Variants in MUC17 observed in about 807,000 individuals in gnomAD.
MUC17 encodes mucin 17, cell surface associated, also known as mucin-17.
In MUC17, 190 loss-of-function variants were observed where a neutral mutation model predicts 170.3. The ratio of observed to expected loss-of-function variants is 1.12; its 90% confidence interval spans 0.99 to 1.26. The LOEUF (loss-of-function observed/expected upper bound fraction) is 1.26. Among genes scored for constraint, MUC17 ranks in the 50% most tolerant of loss-of-function variants. The pLI, the probability that MUC17 is intolerant of heterozygous loss-of-function variation, is 0.00. For synonymous variants in MUC17, 2,325 were observed against 2,002.5 expected, an observed-to-expected ratio of 1.16 and a Z score of -4.30; for missense variants, 6,415 against 5,530.0, an observed-to-expected ratio of 1.16 and a Z score of -5.08.
In MUC17 at chr7:101,032,863, G is replaced by C. The variant is rs759806324; in HGVS notation, c.1447G>C (p.Val483Leu). The C allele has an allele frequency of 2.5e-6, 4 of 1,613,562 alleles. No homozygotes were observed. The highest frequency in any genetic ancestry group is 1.7e-5 in the Admixed American group (1 of 59,944). ...STTPVDSKTQVTTSTEASSSP... is the reference protein window; with the variant it reads ...STTPVDSKTQLTTSTEASSSP... ...AACTCCTGTTGACTCCAAAACTCAGGTGACCACTTCTACTGAAGCCAGTTC... is the reference window on the plus strand; with the variant it reads ...AACTCCTGTTGACTCCAAAACTCAGCTGACCACTTCTACTGAAGCCAGTTC... The change falls in exon 3 of 13, where the codon GTG (valine) becomes CTG (leucine). Residue 483 changes from valine (V) to leucine (L), a missense_variant. Transcript: ENST00000306151.
In MUC17 at chr7:101,058,045, G is replaced by A; in HGVS notation, c.*1G>A. On this transcript the variant is annotated 3_prime_UTR_variant, in exon 13 of 13. Transcript: ENST00000306151. ...TCAGGTAATGACGACATCATTTTAA[G>A]GCATGGAGCTGAGAAGTCTGGGAGT... 7 of 1,613,860 alleles carry A rather than the reference G, an allele frequency of 4.3e-6. No homozygotes were observed. The highest frequency in any genetic ancestry group is 5.9e-6 in the Non-Finnish European group (7 of 1,179,868).
At position 101,035,724 on chromosome 7, in the gene MUC17, T is replaced by A. The variant is rs556261069; in HGVS notation, c.4308T>A (p.Ser1436=). The A allele has an allele frequency of 6.2e-7, 1 of 1,609,858 alleles. No homozygotes were observed. The highest frequency in any genetic ancestry group is 2.2e-5 in the East Asian group (1 of 44,854). The stretch of plus-strand genomic sequence containing the variant: ...CCACTTCTGCTGAAGCCACTTCATC[T>A]CCTACAACTGCTGAAGGTATCAGCA... The part of the protein sequence containing the change: ...PGTTSAEATS[S]PTTAEGISIP... The change falls in exon 3 of 13, where the codon TCT becomes TCA. Residue 1436 remains serine (S), a synonymous_variant. Transcript: ENST00000306151.
At position 101,032,218 on chromosome 7, in the gene MUC17, T is replaced by G; in HGVS notation, c.802T>G (p.Ser268Ala). Residue 268 changes from serine to alanine, a missense_variant, in exon 3 of 13, where the codon TCA becomes GCA. Coordinates refer to ENST00000306151, the MANE Select transcript of MUC17 (RefSeq NM_001040105.2). ...TTAEGPSLSN[S>A]APSGGSTPLT... ...TGCTGAAGGTCCCAGCCTGTCAAAC[T>G]CAGCTCCTAGTGGAGGAAGCACTCC... The G allele has an allele frequency of 1.2e-6, 2 of 1,614,188 alleles. No homozygotes were observed. The highest frequency in any genetic ancestry group is 1.7e-6 in the Non-Finnish European group (2 of 1,180,018).
intron 3 of MUC17, 125 bp downstream of exon 3, chr7:101,043,944 A>G: frequency 2.3e-6 from 2 of 880,860 alleles, no homozygotes; most frequent in Non-Finnish European, 3.4e-6. Flanking sequence ...GCACCCATTA[A>G]CTCATCATTT....
In MUC17 at chr7:101,036,995, C is replaced by T; in HGVS notation, c.5579C>T (p.Ser1860Leu). The T allele has an allele frequency of 1.3e-6, 2 of 1,584,172 alleles. No homozygotes were observed. The highest frequency in any genetic ancestry group is 2.5e-5 in the South Asian group (2 of 81,112). ...TPAEGTSIAT[S>L]TPSEGSTALT... Reference sequence around the variant, plus strand: ...GCTGAAGGTACCAGCATAGCAACCTCAACGCCTAGTGAAGGAAGCACTGCA... The same window carrying T: ...GCTGAAGGTACCAGCATAGCAACCTTAACGCCTAGTGAAGGAAGCACTGCA... Residue 1860 changes from serine to leucine, a missense_variant, in exon 3 of 13, where the codon TCA becomes TTA. By Grantham distance (145) the Ser-to-Leu change is moderately radical (BLOSUM62 -2). Coordinates refer to ENST00000306151, the MANE Select transcript of MUC17 (RefSeq NM_001040105.2).
chr7:101,050,604 A>G lies in MUC17; in HGVS notation c.12843A>G (p.Thr4281=). The change falls in exon 7 of 13, where the codon ACA becomes ACG. Residue 4281 remains threonine (T), a synonymous_variant. Coordinates refer to ENST00000306151, the MANE Select transcript of MUC17 (RefSeq NM_001040105.2). ...AAGAGAAAATCACAAAAGTGACCAC[A>G]CAGCAAATAATGATTAATGATATTT... ...VVKEKITKVT[T]QQIMINDICS... 2 of 1,614,154 alleles carry G rather than the reference A, an allele frequency of 1.2e-6. No individual in the cohort carries two copies. The highest frequency in any genetic ancestry group is 1.7e-6 in the Non-Finnish European group (2 of 1,180,010).
chr7:101,020,689 A>C (rs910398191), intron 1 of MUC17, among the ~76,000 whole-genome samples: 7 of 152,116 alleles, frequency 4.6e-5, no homozygotes, highest in African/African-American at 1.4e-4. Flanking sequence ...ACATAGCCAC[A>C]TGGGCACAAA....
rs750229186 is a variant in MUC17 at position 101,036,306 on chromosome 7, T to A, written c.4890T>A (p.Ser1630Arg). 1.2e-6 allele frequency: 2 copies of A among 1,607,908 alleles called. No individual in the cohort carries two copies. The highest frequency in any genetic ancestry group is 2.8e-5 in the African/African-American group (2 of 72,676). The change falls in exon 3 of 13, where the codon AGT (serine) becomes AGA (arginine). Residue 1630 changes from serine (S) to arginine (R), a missense_variant. By Grantham distance (110) the Ser-to-Arg change is moderately radical. Transcript: ENST00000306151. ...CAATCTCAACTCCTAGTGAAGGAAG[T>A]CCTCTATTAACAAGTATACCTGTCA... ...SMTISTPSEG[S>R]PLLTSIPVST...
At position 101,033,090 on chromosome 7, in the gene MUC17, C is replaced by T; in HGVS notation, c.1674C>T (p.Thr558=). 1.2e-6 allele frequency: 2 copies of T among 1,613,496 alleles called. No homozygotes were observed. The highest frequency in any genetic ancestry group is 1.7e-6 in the Non-Finnish European group (2 of 1,179,808). ...CATCTTCTACAACTCCTGAAGGTAC[C>T]AGCATACCAACCTCAACTCCTAGTG... The part of the protein sequence containing the change: ...ASSSSTTPEG[T]SIPTSTPSEG... The change falls in exon 3 of 13, where the codon ACC becomes ACT. Residue 558 remains threonine, a synonymous_variant. Coordinates refer to ENST00000306151, the MANE Select transcript of MUC17 (RefSeq NM_001040105.2).
chr7:101,033,139 A>G lies in MUC17; in HGVS notation c.1723A>G (p.Met575Val). Reference sequence around the variant, plus strand: ...TGAAGGAAGCACTCCATTAACAAACATGCCTGTCAGCACCAGGCTGGTGGT... The same window carrying G: ...TGAAGGAAGCACTCCATTAACAAACGTGCCTGTCAGCACCAGGCTGGTGGT... Reference protein sequence around the residue: ...PSEGSTPLTNMPVSTRLVVSS... With the variant: ...PSEGSTPLTNVPVSTRLVVSS... Residue 575 changes from methionine to valine, a missense_variant, in exon 3 of 13, where the codon ATG becomes GTG. Physicochemically the swap from Met to Val is conservative, Grantham distance 21 (BLOSUM62 1). Coordinates refer to ENST00000306151, the MANE Select transcript of MUC17 (RefSeq NM_001040105.2). 1 of 1,612,034 alleles carries G rather than the reference A, an allele frequency of 6.2e-7. No homozygotes were observed. The highest frequency in any genetic ancestry group is 8.5e-7 in the Non-Finnish European group (1 of 1,178,714).
intron 6 of MUC17, among the ~76,000 whole-genome samples, chr7:101,050,168 T>C (rs1189346142): frequency 6.6e-6 from 1 of 152,148 alleles, no homozygotes; most frequent in Non-Finnish European, 1.5e-5. Context: ...TGGCCTCTTC[T>C]GTGGTTCCCA....
intron 1 of MUC17, among the ~76,000 whole-genome samples, chr7:101,027,226 C>T (rs1411003962): frequency 6.6e-6 from 1 of 151,830 alleles, no homozygotes; most frequent in Non-Finnish European, 1.5e-5. Flanking sequence ...TGCATGAATC[C>T]AGTGTGGATG....
rs200284218 is a variant in MUC17 at position 101,036,716 on chromosome 7, G to A, written c.5300G>A (p.Ser1767Asn). 343 of 1,612,024 alleles carry A rather than the reference G, an allele frequency of 2.1e-4. No individual in the cohort carries two copies. The highest frequency in any genetic ancestry group is 5.0e-4 in the Middle Eastern group (3 of 6,046). ...ACGCCGGTACTCAGTTCTGAGGCTA[G>A]CACCCTTTCAGCAACTCCTATTGAC... ...STTPVLSSEA[S>N]TLSATPIDTS... Residue 1767 changes from serine (S) to asparagine (N), a missense_variant, in exon 3 of 13, where the codon AGC (serine) becomes AAC (asparagine). Coordinates refer to ENST00000306151, the MANE Select transcript of MUC17 (RefSeq NM_001040105.2).
chr7:101,023,488 G>A (rs1209474239), intron 1 of MUC17, among the ~76,000 whole-genome samples: 1 of 152,184 alleles, frequency 6.6e-6, no homozygotes, highest in Non-Finnish European at 1.5e-5. Context: ...CCAGGTTCAA[G>A]TGATTCTCCT....
At chr7:101,053,485 G>A in intron 11 of MUC17, 49 bp downstream of exon 11, 1 of 1,465,650 alleles carries the variant, frequency 6.8e-7, no homozygotes, top group Non-Finnish European at 9.5e-7. Flanking sequence ...TGTGGAAACA[G>A]GCTGGGTGCG....
chr7:101,056,599 ATACT>A (rs1795049840), intron 12 of MUC17, among the ~76,000 whole-genome samples: 1 of 152,238 alleles, frequency 6.6e-6, no homozygotes, highest in Non-Finnish European at 1.5e-5. Context: ...AGTGCAGTAA[ATACT>A]TACATATTCC....
At position 101,037,285 on chromosome 7, in the gene MUC17, G is replaced by A. The variant is rs1794517723; in HGVS notation, c.5869G>A (p.Val1957Met). 3 of 1,613,330 alleles carry A rather than the reference G, an allele frequency of 1.9e-6. No homozygotes were observed. Among genetic ancestry groups the A allele is most frequent in the Non-Finnish European group, 2.5e-6 (3 of 1,179,524 alleles). The change falls in exon 3 of 13, where the codon GTG becomes ATG. Residue 1957 changes from valine (V) to methionine (M), a missense_variant. Val to Met is a conservative substitution (Grantham distance 21, BLOSUM62 1). Transcript: ENST00000306151. ...AACTCTTGCTGACACCAGGACACCT[G>A]TGACCACTTATTCTCAAGCCAGTTC... The part of the protein sequence containing the change: ...STTLADTRTP[V>M]TTYSQASSSP...
At position 101,031,993 on chromosome 7, in the gene MUC17, C is replaced by G. The variant is rs927244054; in HGVS notation, c.577C>G (p.Gln193Glu). The change falls in exon 3 of 13, where the codon CAG (glutamine) becomes GAG (glutamate). Residue 193 changes from glutamine (Q) to glutamate (E), a missense_variant. By Grantham distance (29) the Gln-to-Glu change is conservative (BLOSUM62 2). Coordinates refer to ENST00000306151, the MANE Select transcript of MUC17 (RefSeq NM_001040105.2). ...GAGCACACCTCTGACCACTTCTACT[C>G]AGGCAAGTTCATCTCCTACTACTCC... is the stretch of plus-strand genomic sequence containing the variant. The part of the protein sequence containing the change: ...DMSTPLTTST[Q>E]ASSSPTTPES... 4.3e-6 allele frequency: 7 copies of G among 1,614,102 alleles called. No homozygotes were observed. The African/African-American group carries it at 6.7e-5, about 15-fold the overall frequency.
chr7:101,033,814 ACTC>A lies in MUC17; in HGVS notation c.2401_2403del (p.Pro801del). ...TGAAGGTACCAGCATGCCAATCTCA[ACTC>A]CTAGTGAAGGAAGTCCTTTATTAAC... On this transcript the variant is annotated inframe_deletion, in exon 3 of 13. Transcript: ENST00000306151. 4 of 1,613,716 alleles carry A rather than the reference ACTC, an allele frequency of 2.5e-6. No homozygotes were observed. Among genetic ancestry groups the A allele is most frequent in the Non-Finnish European group, 3.4e-6 (4 of 1,179,926 alleles).
Sources: allele counts gnomAD v4.1 joint callset (sites outside exome capture counted in the v4.1 genomes callset), GRCh38; gene constraint gnomAD v4.1.1; transcripts MANE v1.5; gene names NCBI Gene and HGNC (gene_info 2026-07-23, HGNC 2026-07-21).